The following GATAD2B variants were observed in gnomAD, a reference collection of about 807,000 sequenced individuals.
GATAD2B encodes transcriptional repressor p66-beta.
GATAD2B carries 8 observed loss-of-function variants against 64.3 expected under a neutral mutation model. The ratio of observed to expected loss-of-function variants is 0.12; its 90% CI spans 0.07 to 0.22. The LOEUF (loss-of-function observed/expected upper bound fraction) is 0.22, where lower values mean the gene tolerates loss of function less well. GATAD2B is among the 10% of genes least tolerant of loss of function. The pLI, the probability that GATAD2B is intolerant of heterozygous loss-of-function variation, is 1.00. For synonymous variants in GATAD2B, 281 were observed against 271.3 expected (o/e 1.04, Z -0.35); for missense variants, 453 against 752.0 (o/e 0.60, Z 4.65).
At chr1:153,914,153 G>A (rs1194721365) in intron 1 of GATAD2B, among the ~76,000 whole-genome samples, 9 of 139,426 alleles carry the variant, frequency 6.5e-5, no homozygotes, top group African/African-American at 2.2e-4. Context: ...TGACACAGGA[G>A]AATCGTTTGA....
chr1:153,848,914 C>T (rs967575673), intron 1 of GATAD2B, among the ~76,000 whole-genome samples: 2 of 152,102 alleles, frequency 1.3e-5, no homozygotes, highest in Non-Finnish European at 2.9e-5. Context: ...TATCGCGCCA[C>T]TGCACTCTGG....
intron 1 of GATAD2B, among the ~76,000 whole-genome samples, chr1:153,898,536 G>A (rs1401549104): frequency 6.6e-6 from 1 of 151,466 alleles, no homozygotes; most frequent in Non-Finnish European, 1.5e-5. Flanking sequence ...GACCAGCCTG[G>A]CCAATACAGT....
rs567849088 is a variant in GATAD2B, at chr1:153,807,100, C to T, written c.*3077G>A. ...TCCCCTAGTTTTACTCAAGCCTTAC[C>T]GCTATTCCACCCATTTCAGGCTTCC... On this transcript the variant is annotated 3_prime_UTR_variant, in exon 11 of 11. Coordinates refer to ENST00000368655, the MANE Select transcript of GATAD2B (RefSeq NM_020699.4). 1.2e-4 allele frequency: 19 copies of T among 152,232 alleles called. No homozygotes were observed. The South Asian group carries it at 1.9e-3, about 15-fold the overall frequency. The allele number at this position is 152,232 out of a possible 1,614,324, so 9.4% of individuals were successfully genotyped here. A position where few individuals can be genotyped will look rare whatever the true frequency, so the allele number is the denominator to read the frequency against.
chr1:153,839,572 C>G (rs1485097467), intron 1 of GATAD2B, among the ~76,000 whole-genome samples: 1 of 152,038 alleles, frequency 6.6e-6, no homozygotes, highest in African/African-American at 2.4e-5. Flanking sequence ...TAGTAATAGT[C>G]TAAAAGATCA....
chr1:153,857,842 C>T (rs1014459825), intron 1 of GATAD2B, among the ~76,000 whole-genome samples: 2 of 152,182 alleles, frequency 1.3e-5, no homozygotes, highest in African/African-American at 4.8e-5. Context: ...ATTAGATAAT[C>T]CAACAAGACC....
Position 153,840,168 on chromosome 1 carries a change from G to A in GATAD2B, c.-1-11820C>T, listed in dbSNP as rs1675428054. Among the ~76,000 whole-genome samples the A allele has an allele frequency of 3.4e-5, 5 of 148,846 alleles. 1 individual carries two copies. In the South Asian group the frequency reaches 1.1e-3, roughly 32 times the overall value. On this transcript the variant is annotated intron_variant, in intron 1 of 10. Coordinates refer to ENST00000368655, the MANE Select transcript of GATAD2B (RefSeq NM_020699.4). ...CTGCCTCAGCCTCCTGAGTAGCTGG[G>A]ATTACAGGCACCTGCCATCACGCCC...
chr1:153,854,910 GA>G (rs1219438926), intron 1 of GATAD2B, among the ~76,000 whole-genome samples: 2 of 152,050 alleles, frequency 1.3e-5, no homozygotes, highest in Non-Finnish European at 2.9e-5. Context: ...CTACAATGTG[GA>G]ACATATTTCA....
intron 1 of GATAD2B, among the ~76,000 whole-genome samples, chr1:153,888,130 A>C (rs1677241148): frequency 6.6e-6 from 1 of 151,988 alleles, no homozygotes; most frequent in African/African-American, 2.4e-5. Context: ...TCAATGACTT[A>C]ATCATCATAC....
intron 2 of GATAD2B, among the ~76,000 whole-genome samples, chr1:153,821,904 A>G (rs1393460899): frequency 6.6e-6 from 1 of 151,370 alleles, no homozygotes; most frequent in Non-Finnish European, 1.5e-5. Context: ...TCTCATTTCT[A>G]TATTCCTTTA....
intron 1 of GATAD2B, among the ~76,000 whole-genome samples, chr1:153,873,694 G>C (rs1268891893): frequency 6.6e-6 from 1 of 152,170 alleles, no homozygotes; most frequent in Non-Finnish European, 1.5e-5. Context: ...TGTAATCCCA[G>C]CACTTTTGAG....
Position 153,818,102 on chromosome 1 carries a change from A to G in GATAD2B, c.667T>C (p.Ser223Pro). 1 of 1,613,334 alleles carries G rather than the reference A, an allele frequency of 6.2e-7. No individual in the cohort carries two copies. Among genetic ancestry groups the G allele is most frequent in the Non-Finnish European group, 8.5e-7 (1 of 1,179,510 alleles). ...SPAHVGQQGL[S>P]KLPSRPGAQG... ...GCCCCAGGCCGAGAGGGAAGCTTAG[A>G]TAGGCCCTGCTGTCCCACATGGGCA... Residue 223 changes from serine (S) to proline (P), a missense_variant, in exon 5 of 11, where the codon TCT becomes CCT. Transcript: ENST00000368655.
At chr1:153,910,105 C>A (rs1009234448) in intron 1 of GATAD2B, among the ~76,000 whole-genome samples, 10 of 151,802 alleles carry the variant, frequency 6.6e-5, no homozygotes, top group Non-Finnish European at 1.0e-4. Context: ...CAGAGTGAGA[C>A]TCCGTCTCAA....
intron 7 of GATAD2B, among the ~76,000 whole-genome samples, chr1:153,814,576 C>A (rs917458502): frequency 3.9e-5 from 6 of 152,064 alleles, no homozygotes; most frequent in South Asian, 2.1e-4. Flanking sequence ...AGTTTGAGAC[C>A]AGCCTGGCCC....
At chr1:153,811,028 G>A (rs1384356610) in intron 10 of GATAD2B, among the ~76,000 whole-genome samples, 2 of 152,098 alleles carry the variant, frequency 1.3e-5, no homozygotes, top group South Asian at 2.1e-4. Context: ...GCCTCCCAAA[G>A]TGCTGGGATT....
At chr1:153,900,691 C>T (rs1171824974) in intron 1 of GATAD2B, among the ~76,000 whole-genome samples, 2 of 152,026 alleles carry the variant, frequency 1.3e-5, no homozygotes, top group Non-Finnish European at 1.5e-5. Flanking sequence ...CCCAGCAAGC[C>T]TTTTCTTTAG....
chr1:153,834,149 C>CCCA (rs1174595298), intron 1 of GATAD2B, among the ~76,000 whole-genome samples: 2 of 151,514 alleles, frequency 1.3e-5, no homozygotes, highest in Non-Finnish European at 2.9e-5. Flanking sequence ...ATTACAAACG[C>CCCA]CCACCACCAC....
chr1:153,817,909 C>A, intron 5 of GATAD2B, 131 bp downstream of exon 5: 1 of 753,676 alleles, frequency 1.3e-6, no homozygotes, highest in South Asian at 2.2e-5. Flanking sequence ...CATAATGGGC[C>A]AACAGAACAA....
At chr1:153,856,740 CTAAT>C (rs1326867494) in intron 1 of GATAD2B, among the ~76,000 whole-genome samples, 1 of 151,818 alleles carries the variant, frequency 6.6e-6, no homozygotes, top group Non-Finnish European at 1.5e-5. Context: ...ACCCCCATCT[CTAAT>C]AAATAAACCA....
At chr1:153,854,480 G>A (rs1288990474) in intron 1 of GATAD2B, among the ~76,000 whole-genome samples, 1 of 152,112 alleles carries the variant, frequency 6.6e-6, no homozygotes. Context: ...AAATACCACA[G>A]CATTAAGTAA....
Sources: allele counts gnomAD v4.1 joint callset (sites outside exome capture counted in the v4.1 genomes callset), GRCh38; gene constraint gnomAD v4.1.1; transcripts MANE v1.5; gene names NCBI Gene and HGNC (gene_info 2026-07-23, HGNC 2026-07-21).